Variants in LAMA2 observed in about 807,000 individuals in gnomAD.
LAMA2 encodes the protein laminin subunit alpha-2.
In LAMA2, 269 loss-of-function variants were observed where a neutral mutation model predicts 364.8. That is an observed-to-expected ratio of 0.74 (90% confidence interval 0.67 to 0.82). The LOEUF (loss-of-function observed/expected upper bound fraction) is 0.82. Among genes scored for constraint, LAMA2 ranks in the 40% least tolerant of loss-of-function variants. LAMA2 has a pLI of 0.00. For synonymous variants in LAMA2, 1,379 were observed against 1,370.6 expected (o/e 1.01, Z -0.14); for missense variants, 3,807 against 3,873.2 (o/e 0.98, Z 0.45).
intron 17 of LAMA2, among the ~76,000 whole-genome samples, chr6:129,273,621 A>G (rs1027355944): frequency 6.6e-6 from 1 of 152,098 alleles, no homozygotes; most frequent in Non-Finnish European, 1.5e-5. Context: ...TTTGTTGTGC[A>G]TTTACTTGGA....
chr6:129,138,197 G>A (rs1777914967), intron 4 of LAMA2, among the ~76,000 whole-genome samples: 1 of 151,808 alleles, frequency 6.6e-6, no homozygotes. Flanking sequence ...CTATATGAAT[G>A]GGAAATATTG....
At position 129,491,902 on chromosome 6, in the gene LAMA2, A is replaced by G; in HGVS notation, c.7900A>G (p.Ile2634Val). 6.2e-7 allele frequency: 1 copy of G among 1,603,864 alleles called. No individual in the cohort carries two copies. The highest frequency in any genetic ancestry group is 8.5e-7 in the Non-Finnish European group (1 of 1,170,802). Residue 2634 changes from isoleucine to valine, a missense_variant and splice_region_variant, in exon 57 of 65, where the codon ATC (isoleucine) becomes GTC (valine). Ile to Val is a conservative substitution (Grantham distance 29). Coordinates refer to ENST00000421865, the MANE Select transcript of LAMA2 (RefSeq NM_000426.4). Reference sequence around the variant, plus strand: ...TGTTTATTTTTAATATTTTATCAGCATCTTTACAGTTCAAGTGGATGAAAA... The same window carrying G: ...TGTTTATTTTTAATATTTTATCAGCGTCTTTACAGTTCAAGTGGATGAAAA... ...HSVHVERTRG[I>V]FTVQVDENRR...
rs1489428432 is a variant in LAMA2 at position 129,005,722 on chromosome 6, G to A, written c.113-44196G>A. On this transcript the variant is annotated intron_variant, in intron 1 of 64. Coordinates refer to ENST00000421865, the MANE Select transcript of LAMA2 (RefSeq NM_000426.4). ...ACTTGGGGGAAAAATGTGTGTGTGT[G>A]TGTGTATGTGTGTGTATAATTTTTT... 2.0e-5 allele frequency among the ~76,000 whole-genome samples: 3 copies of A among 150,970 alleles called. No homozygotes were observed. In the Admixed American group the frequency reaches 2.0e-4, roughly 10 times the overall value.
intron 4 of LAMA2, among the ~76,000 whole-genome samples, chr6:129,132,349 G>A (rs1340379352): frequency 6.6e-6 from 1 of 152,004 alleles, no homozygotes; most frequent in Non-Finnish European, 1.5e-5. Flanking sequence ...TGTATTTTTA[G>A]TAGAGACGGG....
intron 12 of LAMA2, among the ~76,000 whole-genome samples, chr6:129,231,194 T>A (rs1784648803): frequency 6.6e-6 from 1 of 152,088 alleles, no homozygotes; most frequent in South Asian, 2.1e-4. Context: ...AATGCAAAAA[T>A]TAATCTGAAC....
Position 129,401,193 on chromosome 6 carries a change from A to G in LAMA2, c.5446-31A>G, listed in dbSNP as rs368422466. The G allele has an allele frequency of 2.2e-5, 30 of 1,376,396 alleles. 1 individual carries two copies. Among genetic ancestry groups the G allele is most frequent in the South Asian group, 1.7e-4 (15 of 85,818 alleles). 85.3% of individuals were successfully genotyped at this position (1,376,396 alleles called of 1,614,324 possible). A position where few individuals can be genotyped will look rare whatever the true frequency, so the allele number is the denominator to read the frequency against. ...AGGGGTAGGATTTTATGAAAATGCA[A>G]TTTTGATGTCTTGTTCATAATGGTC... On this transcript the variant is annotated intron_variant, in intron 37 of 64. Coordinates refer to ENST00000421865, the MANE Select transcript of LAMA2 (RefSeq NM_000426.4).
At chr6:129,202,633 G>A (rs993132070) in intron 12 of LAMA2, among the ~76,000 whole-genome samples, 2 of 152,112 alleles carry the variant, frequency 1.3e-5, no homozygotes, top group African/African-American at 4.8e-5. Flanking sequence ...GTAGCAGCCT[G>A]AATGCATCAG....
At chr6:129,384,352 C>A (rs9402120) in intron 35 of LAMA2, among the ~76,000 whole-genome samples, 1 of 152,166 alleles carries the variant, frequency 6.6e-6, no homozygotes, top group Admixed American at 6.5e-5. Context: ...TCACTCTGAG[C>A]GGATCCCCAA....
intron 29 of LAMA2, among the ~76,000 whole-genome samples, chr6:129,338,225 A>G (rs1032025553): frequency 3.3e-5 from 5 of 152,234 alleles, no homozygotes; most frequent in African/African-American, 1.2e-4. Flanking sequence ...GTTACATAAA[A>G]TAATTCATTA....
intron 62 of LAMA2, among the ~76,000 whole-genome samples, chr6:129,509,615 T>G (rs1303214872): frequency 6.6e-6 from 1 of 152,194 alleles, no homozygotes; most frequent in Non-Finnish European, 1.5e-5. Flanking sequence ...GAGACTGTCC[T>G]TTCCCTAATG....
chr6:129,291,066 T>C lies in LAMA2; in HGVS notation c.2750-548T>C, dbSNP rs189221955. On this transcript the variant is annotated intron_variant, in intron 19 of 64. Transcript: ENST00000421865. ...ATCAAAAAAACTAACTAAATTTTTCTAGATTAATAGTAACATTAAAATTTT... is the reference window on the plus strand; with the variant it reads ...ATCAAAAAAACTAACTAAATTTTTCCAGATTAATAGTAACATTAAAATTTT... 1.6e-4 allele frequency among the ~76,000 whole-genome samples: 24 copies of C among 152,342 alleles called. 1 individual carries two copies. In the East Asian group the frequency reaches 4.2e-3, roughly 27 times the overall value.
At chr6:129,029,384 C>T (rs1438542465) in intron 1 of LAMA2, among the ~76,000 whole-genome samples, 2 of 151,922 alleles carry the variant, frequency 1.3e-5, no homozygotes, top group Non-Finnish European at 2.9e-5. Context: ...GAATTTTAGT[C>T]AAGTGTTACT....
Position 129,250,231 on chromosome 6 carries a change from T to C in LAMA2, c.1884+18T>C, listed in dbSNP as rs1786077657. 1 of 1,370,698 alleles carries C rather than the reference T, an allele frequency of 7.3e-7. No individual in the cohort carries two copies. The highest frequency in any genetic ancestry group is 1.0e-6 in the Non-Finnish European group (1 of 960,302). 84.9% of individuals were successfully genotyped at this position (1,370,698 alleles called of 1,614,324 possible). On this transcript the variant is annotated intron_variant, in intron 13 of 64. Coordinates refer to ENST00000421865, the MANE Select transcript of LAMA2 (RefSeq NM_000426.4). ...TCTTAGAGGTAGAGTACTGAGAGCATGTTCACCCGTGTTACTTCCTGATGT... is the reference window on the plus strand; with the variant it reads ...TCTTAGAGGTAGAGTACTGAGAGCACGTTCACCCGTGTTACTTCCTGATGT...
At chr6:128,885,820 C>G (rs893444276) in intron 1 of LAMA2, among the ~76,000 whole-genome samples, 1 of 151,994 alleles carries the variant, frequency 6.6e-6, no homozygotes, top group Non-Finnish European at 1.5e-5. Context: ...ATAGCATACT[C>G]GATTGTAGTA....
chr6:128,896,284 T>A (rs1015358865), intron 1 of LAMA2, among the ~76,000 whole-genome samples: 4 of 152,090 alleles, frequency 2.6e-5, no homozygotes, highest in African/African-American at 9.7e-5. Flanking sequence ...TATGTCAGAT[T>A]TTGTATTTAA....
chr6:129,445,587 G>A, intron 44 of LAMA2, 80 bp from the exon 45 acceptor site: 1 of 1,214,782 alleles, frequency 8.2e-7, no homozygotes, highest in Non-Finnish European at 1.2e-6. Context: ...AAATTGTTTG[G>A]TTAAGCATAC....
chr6:129,089,621 G>A (rs902652766), intron 3 of LAMA2, among the ~76,000 whole-genome samples: 1 of 152,196 alleles, frequency 6.6e-6, no homozygotes, highest in Non-Finnish European at 1.5e-5. Context: ...ACAGGAGGCA[G>A]GTCAATCTTT....
At chr6:129,412,483 A>G (rs1191654155) in intron 40 of LAMA2, among the ~76,000 whole-genome samples, 1 of 152,178 alleles carries the variant, frequency 6.6e-6, no homozygotes, top group Non-Finnish European at 1.5e-5. Context: ...AACATTCCAA[A>G]CAAGCAGACA....
chr6:129,268,514 A>G (rs1196703963), intron 16 of LAMA2, among the ~76,000 whole-genome samples: 1 of 152,098 alleles, frequency 6.6e-6, no homozygotes, highest in Non-Finnish European at 1.5e-5. Context: ...ATTCATTAGG[A>G]TAAAATCAAA....
Sources: allele counts gnomAD v4.1 joint callset (sites outside exome capture counted in the v4.1 genomes callset), GRCh38; gene constraint gnomAD v4.1.1; transcripts MANE v1.5; gene names NCBI Gene and HGNC (gene_info 2026-07-23, HGNC 2026-07-21).